TMEM91: variants seen among roughly 807,000 people sequenced by gnomAD.
The protein encoded by TMEM91 is transmembrane protein 91.
Under a neutral mutation model 13.3 loss-of-function variants are expected in TMEM91, and 6 were observed. That is an observed-to-expected ratio of 0.45 (90% CI 0.25 to 0.89). The LOEUF is 0.89. Among genes scored for constraint, TMEM91 ranks in the 40% least tolerant of loss-of-function variants. TMEM91 has a pLI of 0.19. For missense variants in TMEM91, 193 were observed against 228.7 expected, an observed-to-expected ratio of 0.84 and a Z score of 1.01; for synonymous variants, 87 against 101.7, an observed-to-expected ratio of 0.86 and a Z score of 0.87.
chr19:41,381,816 A>ATC (rs2038895184), intron 2 of TMEM91, among the ~76,000 whole-genome samples: 1 of 151,718 alleles, frequency 6.6e-6, no homozygotes, highest in Admixed American at 6.6e-5. Flanking sequence ...CCGGCCAATA[A>ATC]TCTCCATCTT....
At chr19:41,370,393 T>TTTATTTA (rs376147570) in intron 1 of TMEM91, among the ~76,000 whole-genome samples, 4 of 142,986 alleles carry the variant, frequency 2.8e-5, no homozygotes, top group Non-Finnish European at 6.0e-5. Flanking sequence ...TTTATTTTTA[T>TTTATTTA]TTTATTTATT....
intron 1 of TMEM91, among the ~76,000 whole-genome samples, chr19:41,364,937 C>T (rs911064628): frequency 5.3e-5 from 8 of 151,790 alleles, no homozygotes; most frequent in African/African-American, 9.7e-5. Context: ...TACGGTGGCT[C>T]GATCACAGCT....
chr19:41,366,845 A>G (rs1166403651), intron 1 of TMEM91, among the ~76,000 whole-genome samples: 1 of 152,186 alleles, frequency 6.6e-6, no homozygotes, highest in East Asian at 1.9e-4. Flanking sequence ...AGATTCAGAA[A>G]ATATGATTGA....
intron 1 of TMEM91, among the ~76,000 whole-genome samples, chr19:41,371,376 T>C (rs2038618527): frequency 6.7e-6 from 1 of 148,746 alleles, no homozygotes; most frequent in African/African-American, 2.5e-5. Context: ...CTTCTTTCCT[T>C]CCTTCCTTCT....
At chr19:41,366,052 CTTTTTT>C (rs11375696) in intron 1 of TMEM91, among the ~76,000 whole-genome samples, 6 of 105,838 alleles carry the variant, frequency 5.7e-5, no homozygotes, top group Admixed American at 3.2e-4. Flanking sequence ...TATTTATTTA[CTTTTTT>C]TTTTTTTTTT....
At chr19:41,379,606 A>G (rs564422205) in intron 2 of TMEM91, among the ~76,000 whole-genome samples, 1 of 149,534 alleles carries the variant, frequency 6.7e-6, no homozygotes, top group Non-Finnish European at 1.5e-5. Flanking sequence ...AAGAAAGAAA[A>G]GAGAGAGAGA....
upstream of TMEM91, among the ~76,000 whole-genome samples, chr19:41,371,659 C>G (rs1042592504): frequency 6.6e-6 from 1 of 151,778 alleles, no homozygotes; most frequent in African/African-American, 2.4e-5. Flanking sequence ...ACCTCGTGAT[C>G]GGCCTGCCTC....
chr19:41,382,226 C>G (rs4605279), intron 2 of TMEM91, among the ~76,000 whole-genome samples: 95,346 of 151,988 alleles, frequency 0.63, 30,507 homozygotes, highest in African/African-American at 0.73. Context: ...TTGGATCCGT[C>G]AACCCCTTGA....
chr19:41,373,900 ACTC>A (rs528202932), upstream of TMEM91: 85 of 150,894 alleles, frequency 5.6e-4, 1 homozygote, highest in African/African-American at 2.0e-3. Context: ...CTGGTTTCGA[ACTC>A]CTAGGCTCAA....
chr19:41,378,330 T>A lies in TMEM91; in HGVS notation c.21T>A (p.Arg7=). The A allele has an allele frequency of 6.2e-7, 1 of 1,607,282 alleles. No individual in the cohort carries two copies. The highest frequency in any genetic ancestry group is 2.2e-5 in the East Asian group (1 of 44,816). The change falls in exon 2 of 4, where the codon CGT becomes CGA. Residue 7 remains arginine, a synonymous_variant. Transcript: ENST00000392002. ...AAGCCATGGACAGCCCTAGTCTTCG[T>A]GAGCTTCAACAGCCTCTGCTGGAGG... MDSPSL[R]ELQQPLLEGT...
intron 1 of TMEM91, among the ~76,000 whole-genome samples, chr19:41,377,485 G>A (rs1279198250): frequency 3.3e-5 from 5 of 150,510 alleles, no homozygotes; most frequent in African/African-American, 1.2e-4. Flanking sequence ...CTAGGGGACA[G>A]AGGATGGGGA....
intron 1 of TMEM91, among the ~76,000 whole-genome samples, chr19:41,371,002 C>T (rs1439189078): frequency 6.6e-6 from 1 of 151,080 alleles, no homozygotes; most frequent in African/African-American, 2.4e-5. Flanking sequence ...CGTGTCTGGC[C>T]TGTTTTTTAT....
Position 41,378,300 on chromosome 19 carries a change from C to T in TMEM91, c.-10C>T, listed in dbSNP as rs548367067. On this transcript the variant is annotated 5_prime_UTR_variant, in exon 2 of 4. Coordinates refer to ENST00000392002, the MANE Select transcript of TMEM91 (RefSeq NM_001098821.2). ...CCCTAGGAAACCCCTCCTGGAGTTT[C>T]CCCAAAGCCATGGACAGCCCTAGTC... The T allele has an allele frequency of 1.2e-6, 2 of 1,610,782 alleles. No homozygotes were observed. Among genetic ancestry groups the T allele is most frequent in the African/African-American group, 1.3e-5 (1 of 74,962 alleles).
chr19:41,377,875 G>A (rs1276146177), intron 1 of TMEM91, among the ~76,000 whole-genome samples: 1 of 151,730 alleles, frequency 6.6e-6, no homozygotes, highest in Admixed American at 6.6e-5. Flanking sequence ...AAATTAGCCG[G>A]GCATGGTGGT....
chr19:41,366,033 TTTTTA>T (rs1474053359), intron 1 of TMEM91, among the ~76,000 whole-genome samples: 1 of 148,316 alleles, frequency 6.7e-6, no homozygotes, highest in Non-Finnish European at 1.5e-5. Context: ...TGTATTTTCT[TTTTTA>T]TTTTATTTAT....
chr19:41,382,627 A>G, intron 2 of TMEM91, 145 bp from the exon 3 acceptor site: 1 of 1,162,100 alleles, frequency 8.6e-7, no homozygotes, highest in Non-Finnish European at 1.2e-6. Flanking sequence ...CAAACACCGA[A>G]AGCCCATCTC....
chr19:41,379,657 A>G (rs2038828415), intron 2 of TMEM91, among the ~76,000 whole-genome samples: 1 of 151,874 alleles, frequency 6.6e-6, no homozygotes, highest in African/African-American at 2.4e-5. Context: ...AATGAAGGAA[A>G]CAAGGAAAGG....
chr19:41,369,811 A>G (rs753418434), intron 1 of TMEM91, among the ~76,000 whole-genome samples: 4 of 152,128 alleles, frequency 2.6e-5, no homozygotes, highest in Non-Finnish European at 5.9e-5. Context: ...CTGTCTCAAA[A>G]TAAATAAATA....
At chr19:41,378,233 G>A (rs1487029730) in intron 1 of TMEM91, 48 bp from the exon 2 acceptor site, 1 of 1,449,792 alleles carries the variant, frequency 6.9e-7, no homozygotes, top group East Asian at 2.3e-5. Context: ...CAGAGGTTGA[G>A]TGAAGTGAGA....
Sources: gnomAD v4.1 joint callset for allele counts (sites outside exome capture counted in the v4.1 genomes callset) on GRCh38, gnomAD v4.1.1 for gene constraint, MANE v1.5 for transcripts, NCBI Gene and HGNC (gene_info 2026-07-23, HGNC 2026-07-21) for gene names.